SLC18A1: variants seen among roughly 807,000 people sequenced by gnomAD.
The protein encoded by SLC18A1 is solute carrier family 18 member A1.
In SLC18A1, 69 loss-of-function variants were observed where a neutral mutation model predicts 53.7. The ratio of observed to expected loss-of-function variants is 1.28; its 90% CI spans 1.06 to 1.57. The LOEUF (loss-of-function observed/expected upper bound fraction) is 1.57, where lower values mean the gene tolerates loss of function less well. Ranked by LOEUF, SLC18A1 falls within the 40% of genes most tolerant of loss-of-function variation. The pLI, the probability that SLC18A1 is intolerant of heterozygous loss-of-function variation, is 0.00. For synonymous variants in SLC18A1, 320 were observed against 248.1 expected (o/e 1.29, Z -2.72); for missense variants, 932 against 668.1 (o/e 1.40, Z -4.35).
In SLC18A1 at chr8:20,180,970, T is replaced by A. The variant is rs750444627; in HGVS notation, c.-6A>T. ...TCCAGAATGGTCCGGAGCATGGTGA[T>A]GGCCGGACTGGGGCAGTCTTCCCCT... On this transcript the variant is annotated 5_prime_UTR_variant, in exon 2 of 16. Coordinates refer to ENST00000276373, the MANE Select transcript of SLC18A1 (RefSeq NM_003053.4). The A allele has an allele frequency of 1.3e-5, 20 of 1,559,816 alleles. No homozygotes were observed. The highest frequency in any genetic ancestry group is 1.4e-5 in the African/African-American group (1 of 73,264).
chr8:20,172,713 G>A (rs1029590026), intron 6 of SLC18A1, among the ~76,000 whole-genome samples: 7 of 152,090 alleles, frequency 4.6e-5, no homozygotes, highest in South Asian at 2.1e-4. Flanking sequence ...GAGATTATGC[G>A]TGTAACAGAT....
rs1265427923 is a variant in SLC18A1, at chr8:20,150,722, A to G, written c.1038T>C (p.Ser346=). The G allele has an allele frequency of 3.7e-6, 6 of 1,614,046 alleles. No individual in the cohort carries two copies. In the African/African-American group the frequency reaches 8.0e-5, roughly 22 times the overall value. The change falls in exon 11 of 16, where the codon AGT becomes AGC. Residue 346 remains serine (S), a synonymous_variant. Transcript: ENST00000276373. ...WQLGLAFLPA[S]VSYLIGTNLF... is the part of the protein sequence containing the mutation. ...GGTTGGTGCCAATGAGGTAGGACAC[A>G]CTGGCAGGCAAGAAAGCTAGACCTG...
intron 10 of SLC18A1, among the ~76,000 whole-genome samples, chr8:20,151,541 C>T (rs1358534979): frequency 2.0e-5 from 3 of 152,102 alleles, no homozygotes; most frequent in Non-Finnish European, 4.4e-5. Context: ...GCCTTGGTTT[C>T]CACATCTGGA....
intron 10 of SLC18A1, among the ~76,000 whole-genome samples, chr8:20,161,680 G>T (rs568925056): frequency 2.6e-5 from 4 of 152,204 alleles, no homozygotes; most frequent in African/African-American, 9.6e-5. Flanking sequence ...CAACAGGGAA[G>T]AAGAAAGGGG....
At chr8:20,158,933 C>G (rs1195346120) in intron 10 of SLC18A1, among the ~76,000 whole-genome samples, 3 of 152,162 alleles carry the variant, frequency 2.0e-5, no homozygotes, top group African/African-American at 4.8e-5. Flanking sequence ...ACCACCCTCA[C>G]TAGGCTCGAT....
Position 20,145,212 on chromosome 8 carries a change from T to TA in SLC18A1, c.*550dup, listed in dbSNP as rs543855939. 0.12 allele frequency: 11,574 copies of TA among 100,194 alleles called. 523 individuals are homozygous for TA. The highest frequency in any genetic ancestry group is 0.14 in the Non-Finnish European group (7,341 of 53,062). The allele number at this position is 100,194 out of a possible 1,614,324, so 6.2% of individuals were successfully genotyped here. A position where few individuals can be genotyped will look rare whatever the true frequency, so the allele number is the denominator to read the frequency against. On this transcript the variant is annotated 3_prime_UTR_variant, in exon 16 of 16. Coordinates refer to ENST00000276373, the MANE Select transcript of SLC18A1 (RefSeq NM_003053.4). ...GCCACAGAAAAATCACTCACTTTAT[T>TA]AAAAAAAAAAATAAATGAAAAAAAA...
At chr8:20,181,617 T>A (rs1436449282) in intron 1 of SLC18A1, 1 of 152,090 alleles carries the variant, frequency 6.6e-6, no homozygotes, top group Admixed American at 6.6e-5. Context: ...GATATTGATA[T>A]CATGTTTCAA....
At chr8:20,161,413 A>G (rs761560809) in intron 10 of SLC18A1, among the ~76,000 whole-genome samples, 14 of 152,240 alleles carry the variant, frequency 9.2e-5, no homozygotes, top group Non-Finnish European at 1.8e-4. Context: ...AATACAGTAT[A>G]ACAACTATTT....
At chr8:20,162,338 T>C (rs1207722844) in intron 10 of SLC18A1, among the ~76,000 whole-genome samples, 2 of 152,216 alleles carry the variant, frequency 1.3e-5, no homozygotes, top group Non-Finnish European at 2.9e-5. Flanking sequence ...TCCACACTAA[T>C]CACTTTAGGT....
In SLC18A1 at chr8:20,174,445, C is replaced by G. The variant is rs145084211; in HGVS notation, c.548-1G>C. ...GTATAGGTCCCAGAAAAAGCAAACA[C>G]TGGGCAGAGAGAATAGCAAGATAAC... On this transcript the variant is annotated splice_acceptor_variant, in intron 4 of 15. Transcript: ENST00000276373. LOFTEE classifies it high-confidence loss of function. 3 of 1,612,316 alleles carry G rather than the reference C, an allele frequency of 1.9e-6. No homozygotes were observed. The African/African-American group carries it at 4.0e-5, about 22-fold the overall frequency.
intron 10 of SLC18A1, among the ~76,000 whole-genome samples, chr8:20,162,218 G>T (rs1263521124): frequency 3.3e-5 from 5 of 152,108 alleles, no homozygotes; most frequent in African/African-American, 1.2e-4. Context: ...AAACCATTCT[G>T]CCCTCCTACA....
At chr8:20,165,012 A>G (rs2071920937) in intron 9 of SLC18A1, 35 bp downstream of exon 9, 1 of 1,612,554 alleles carries the variant, frequency 6.2e-7, no homozygotes, top group African/African-American at 1.3e-5. Context: ...AAGCCCAGAC[A>G]CTCCCCGCCC....
chr8:20,151,584 T>A (rs1232819104), intron 10 of SLC18A1, among the ~76,000 whole-genome samples: 1 of 152,200 alleles, frequency 6.6e-6, no homozygotes. Flanking sequence ...CATACCGGGT[T>A]ACAATGTGGA....
At chr8:20,154,921 A>G (rs1237994262) in intron 10 of SLC18A1, among the ~76,000 whole-genome samples, 1 of 152,030 alleles carries the variant, frequency 6.6e-6, no homozygotes, top group Non-Finnish European at 1.5e-5. Context: ...TGCACTTCTG[A>G]TCCAGCAAGG....
intron 12 of SLC18A1, 96 bp from the exon 13 acceptor site, chr8:20,148,166 T>G (rs2071451850): frequency 1.9e-6 from 2 of 1,080,962 alleles, no homozygotes; most frequent in South Asian, 1.3e-5. Flanking sequence ...TTATTCAGAG[T>G]GCACTATTGG....
chr8:20,155,741 C>A (rs2071667593), intron 10 of SLC18A1, among the ~76,000 whole-genome samples: 1 of 152,172 alleles, frequency 6.6e-6, no homozygotes, highest in African/African-American at 2.4e-5. Context: ...CTTCCTCTCC[C>A]AAGTATTAGA....
chr8:20,179,763 C>T (rs1257334480), intron 2 of SLC18A1, among the ~76,000 whole-genome samples: 1 of 152,190 alleles, frequency 6.6e-6, no homozygotes, highest in East Asian at 1.9e-4. Context: ...TAAATTCTGA[C>T]CTTATACAGT....
At chr8:20,150,855 C>G (rs990597852) in intron 10 of SLC18A1, 111 bp from the exon 11 acceptor site, 1 of 967,820 alleles carries the variant, frequency 1.0e-6, no homozygotes. Context: ...GATCCCCAAA[C>G]CACTTTGTTT....
intron 4 of SLC18A1, chr8:20,176,070 G>A (rs1029376253): frequency 6.6e-6 from 1 of 152,166 alleles, no homozygotes; most frequent in African/African-American, 2.4e-5. Context: ...GTGGACATGG[G>A]TTGTTTGTCC....
Sources: allele counts gnomAD v4.1 joint callset (sites outside exome capture counted in the v4.1 genomes callset), GRCh38; gene constraint gnomAD v4.1.1; transcripts MANE v1.5; gene names NCBI Gene and HGNC (gene_info 2026-07-23, HGNC 2026-07-21).